The following ITFG1 variants were observed in gnomAD, a reference collection of about 807,000 sequenced individuals.
ITFG1 encodes the protein integrin alpha FG-GAP repeat containing 1, also known as T-cell immunomodulatory protein.
A neutral mutation model predicts 81.8 loss-of-function variants in ITFG1; 34 were observed. The ratio of observed to expected loss-of-function variants is 0.42; its 90% CI spans 0.32 to 0.55. ITFG1 has a LOEUF of 0.55. ITFG1 is among the 20% of genes least tolerant of loss of function. ITFG1 has a pLI of 0.17. For missense variants in ITFG1, 672 were observed against 755.4 expected, an observed-to-expected ratio of 0.89 and a Z score of 1.29; for synonymous variants, 285 against 270.6, an observed-to-expected ratio of 1.05 and a Z score of -0.52.
chr16:47,423,531 T>C (rs926995044), intron 6 of ITFG1, among the ~76,000 whole-genome samples: 5 of 152,230 alleles, frequency 3.3e-5, no homozygotes, highest in African/African-American at 4.8e-5. Context: ...CTAGCATTGA[T>C]GGTCTTTACC....
intron 14 of ITFG1, among the ~76,000 whole-genome samples, chr16:47,201,913 A>T (rs561811476): frequency 6.6e-6 from 1 of 152,304 alleles, no homozygotes; most frequent in African/African-American, 2.4e-5. Context: ...TATCATCTTG[A>T]CTGTGTATCT....
chr16:47,416,452 T>C (rs751879564), intron 6 of ITFG1, among the ~76,000 whole-genome samples: 11 of 152,232 alleles, frequency 7.2e-5, no homozygotes, highest in African/African-American at 1.2e-4. Context: ...CTAAAGCTTA[T>C]TGTTTGCAAA....
At chr16:47,414,555 C>A (rs1298149965) in intron 6 of ITFG1, among the ~76,000 whole-genome samples, 1 of 123,224 alleles carries the variant, frequency 8.1e-6, no homozygotes, top group African/African-American at 4.6e-5. Context: ...AAAAAACAAA[C>A]AACAACAACA....
chr16:47,311,722 T>C (rs1302021450), intron 9 of ITFG1, among the ~76,000 whole-genome samples: 1 of 152,178 alleles, frequency 6.6e-6, no homozygotes, highest in African/African-American at 2.4e-5. Context: ...TCTAGTCAGA[T>C]TACATAATTT....
At chr16:47,434,245 G>T (rs994416742) in intron 5 of ITFG1, among the ~76,000 whole-genome samples, 1 of 151,526 alleles carries the variant, frequency 6.6e-6, no homozygotes, top group African/African-American at 2.4e-5. Context: ...CACAGCGAAA[G>T]AAACTATCAT....
chr16:47,289,923 C>T (rs573000533), intron 10 of ITFG1, among the ~76,000 whole-genome samples: 1 of 152,080 alleles, frequency 6.6e-6, no homozygotes, highest in African/African-American at 2.4e-5. Context: ...TTTTGACATG[C>T]ATTGTTAGGT....
At chr16:47,173,414 A>G (rs1202610034) in intron 14 of ITFG1, among the ~76,000 whole-genome samples, 2 of 152,212 alleles carry the variant, frequency 1.3e-5, no homozygotes, top group Non-Finnish European at 1.5e-5. Context: ...GCCACTCAAT[A>G]TATTTTTGTT....
intron 4 of ITFG1, among the ~76,000 whole-genome samples, chr16:47,451,849 T>A (rs1969393878): frequency 6.6e-6 from 1 of 152,222 alleles, no homozygotes; most frequent in African/African-American, 2.4e-5. Context: ...TTTTGTGAGA[T>A]TTTGGGTATC....
intron 14 of ITFG1, chr16:47,217,966 C>T (rs557796036): frequency 6.6e-6 from 1 of 152,232 alleles, no homozygotes. Context: ...TTGTCAATTT[C>T]TCCTTGAATT....
At chr16:47,441,542 C>T (rs1175186373) in intron 5 of ITFG1, among the ~76,000 whole-genome samples, 4 of 152,110 alleles carry the variant, frequency 2.6e-5, no homozygotes, top group African/African-American at 4.8e-5. Context: ...AATAAATACA[C>T]GCAATCCAGC....
At position 47,180,539 on chromosome 16, in the gene ITFG1, C is replaced by T. The variant is rs1478251151; in HGVS notation, c.1454-17875G>A. Among the ~76,000 whole-genome samples, 5 of 152,240 alleles carry T rather than the reference C, an allele frequency of 3.3e-5. No individual in the cohort carries two copies. In the South Asian group the frequency reaches 8.3e-4, roughly 25 times the overall value. ...CTGCAATTGCAGGCACGCGCCGCCA[C>T]GCCTGACTGTTTTTCGTATTTTTTT... On this transcript the variant is annotated intron_variant, in intron 14 of 17. Transcript: ENST00000320640.
intron 13 of ITFG1, among the ~76,000 whole-genome samples, chr16:47,230,478 G>A (rs780711966): frequency 6.6e-6 from 1 of 152,186 alleles, no homozygotes; most frequent in Admixed American, 6.5e-5. Context: ...AGCTGGAGGG[G>A]ATGTGGGTTT....
intron 10 of ITFG1, among the ~76,000 whole-genome samples, chr16:47,272,312 G>C (rs913667933): frequency 5.3e-5 from 8 of 152,192 alleles, no homozygotes; most frequent in African/African-American, 1.7e-4. Context: ...AGGGGAATTG[G>C]AGAGTAACAG....
intron 14 of ITFG1, among the ~76,000 whole-genome samples, chr16:47,185,410 G>A (rs977581232): frequency 1.3e-5 from 2 of 152,156 alleles, no homozygotes; most frequent in Non-Finnish European, 2.9e-5. Flanking sequence ...ATAACAAACT[G>A]TCTCTCAGAC....
chr16:47,294,869 T>C (rs1966959790), intron 10 of ITFG1, among the ~76,000 whole-genome samples: 1 of 152,156 alleles, frequency 6.6e-6, no homozygotes, highest in Admixed American at 6.5e-5. Context: ...TATTGTCTGA[T>C]TTCTCTGGTT....
intron 10 of ITFG1, among the ~76,000 whole-genome samples, chr16:47,301,898 G>A (rs948797663): frequency 6.6e-6 from 1 of 152,012 alleles, no homozygotes; most frequent in African/African-American, 2.4e-5. Context: ...CAGGTTTTTT[G>A]TTAGACTACA....
chr16:47,221,389 C>T (rs992621957), intron 13 of ITFG1, among the ~76,000 whole-genome samples: 1 of 152,100 alleles, frequency 6.6e-6, no homozygotes, highest in East Asian at 1.9e-4. Context: ...ATTACATTTA[C>T]TGATTTGCAT....
intron 8 of ITFG1, among the ~76,000 whole-genome samples, chr16:47,356,002 G>A (rs1267029429): frequency 6.6e-6 from 1 of 152,106 alleles, no homozygotes; most frequent in Non-Finnish European, 1.5e-5. Context: ...TACTGAAGAT[G>A]ATAACATATT....
chr16:47,227,159 A>G (rs1965767635), intron 13 of ITFG1, among the ~76,000 whole-genome samples: 2 of 152,296 alleles, frequency 1.3e-5, no homozygotes, highest in South Asian at 4.1e-4. Context: ...TCATAGCATT[A>G]AACTTCATTT....
Sources: allele counts gnomAD v4.1 joint callset (sites outside exome capture counted in the v4.1 genomes callset), GRCh38; gene constraint gnomAD v4.1.1; transcripts MANE v1.5; gene names NCBI Gene and HGNC (gene_info 2026-07-23, HGNC 2026-07-21).